TCP11L1: variants seen among roughly 807,000 people sequenced by gnomAD.
TCP11L1 encodes the protein T-complex protein 11-like protein 1.
In TCP11L1, 28 loss-of-function variants were observed where a neutral mutation model predicts 48.9. The observed-to-expected ratio is 0.57, with a 90% CI of 0.42 to 0.78. The LOEUF (loss-of-function observed/expected upper bound fraction) is 0.78. Among genes scored for constraint, TCP11L1 ranks in the 30% least tolerant of loss-of-function variants. The pLI, the probability that TCP11L1 is intolerant of heterozygous loss-of-function variation, is 0.00. For synonymous variants in TCP11L1, 204 were observed against 231.9 expected (o/e 0.88, Z 1.09); for missense variants, 505 against 613.4 (o/e 0.82, Z 1.87).
chr11:33,043,687 T>C (rs1037191151), intron 1 of TCP11L1, 63 bp from the exon 2 acceptor site: 19 of 1,405,038 alleles, frequency 1.4e-5, no homozygotes, highest in East Asian at 2.3e-5. Flanking sequence ...CTGAGTCACA[T>C]TGCTAGTTGG....
In TCP11L1 at chr11:33,065,816, TC is replaced by T. The variant is rs777871930; in HGVS notation, c.973-13del. On this transcript the variant is annotated splice_polypyrimidine_tract_variant and intron_variant, in intron 7 of 9. Coordinates refer to ENST00000334274, the MANE Select transcript of TCP11L1 (RefSeq NM_018393.4). Reference sequence around the variant, plus strand: ...GACCTGCAGCTCAGCGATGGCCTCTTCTATTCATTACAGACAGTTTTAATGG... The same window carrying T: ...GACCTGCAGCTCAGCGATGGCCTCTTTATTCATTACAGACAGTTTTAATGG... 1.9e-6 allele frequency: 3 copies of T among 1,610,334 alleles called. No homozygotes were observed. Among genetic ancestry groups the T allele is most frequent in the Non-Finnish European group, 2.5e-6 (3 of 1,177,542 alleles).
rs371785287 is a variant in TCP11L1, at chr11:33,064,122, T to C, written c.973-1708T>C. The stretch of plus-strand genomic sequence containing the variant: ...CCAGCCTCCTCACTTGGCAGTCTTA[T>C]GAATAAACCCTCTCGTAAAAAAAAT... On this transcript the variant is annotated intron_variant, in intron 7 of 9. Coordinates refer to ENST00000334274, the MANE Select transcript of TCP11L1 (RefSeq NM_018393.4). Among the ~76,000 whole-genome samples, 24 of 152,156 alleles carry C rather than the reference T, an allele frequency of 1.6e-4. No homozygotes were observed. The East Asian group carries it at 4.4e-3, about 28-fold the overall frequency.
chr11:33,058,998 G>A lies in TCP11L1; in HGVS notation c.678G>A (p.Met226Ile). 1 of 1,614,120 alleles carries A rather than the reference G, an allele frequency of 6.2e-7. No homozygotes were observed. The highest frequency in any genetic ancestry group is 1.6e-4 in the Middle Eastern group (1 of 6,062). Residue 226 changes from methionine to isoleucine, a missense_variant, in exon 6 of 10, where the codon ATG becomes ATA. Met to Ile is a conservative substitution (Grantham distance 10, BLOSUM62 1). Coordinates refer to ENST00000334274, the MANE Select transcript of TCP11L1 (RefSeq NM_018393.4). Reference protein sequence around the residue: ...FSVLDLMKVDMANFAISSIRP... With the variant: ...FSVLDLMKVDIANFAISSIRP... ...TGTTGGACCTAATGAAAGTGGACAT[G>A]GCCAACTTTGCTATCAGTAGCATCA...
At chr11:33,049,838 A>G (rs1854106058) in intron 2 of TCP11L1, among the ~76,000 whole-genome samples, 1 of 152,130 alleles carries the variant, frequency 6.6e-6, no homozygotes, top group Non-Finnish European at 1.5e-5. Context: ...CTCTTTTACT[A>G]ATCCTCCTCA....
In TCP11L1 at chr11:33,057,148, AGC is replaced by A; in HGVS notation, c.332_333del (p.Ala111ValfsTer11). 6.2e-7 allele frequency: 1 copy of A among 1,614,060 alleles called. No homozygotes were observed. Among genetic ancestry groups the A allele is most frequent in the Non-Finnish European group, 8.5e-7 (1 of 1,180,008 alleles). Reference protein sequence around the residue: ...KKRVKEIVHKAFWDCLSVQLS... With the variant: ...KKRVKEIVHKXFWDCLSVQLS... ...AGAGAGTAAAGGAGATTGTACATAAAGCGTTTTGGGATTGCTTGAGTGTGCAG... is the reference window on the plus strand; with the variant it reads ...AGAGAGTAAAGGAGATTGTACATAAAGTTTTGGGATTGCTTGAGTGTGCAG... On this transcript the variant is annotated frameshift_variant, in exon 4 of 10. Coordinates refer to ENST00000334274, the MANE Select transcript of TCP11L1 (RefSeq NM_018393.4). LOFTEE classifies it high-confidence loss of function.
At chr11:33,068,026 C>T (rs918286391) in intron 8 of TCP11L1, among the ~76,000 whole-genome samples, 4 of 152,024 alleles carry the variant, frequency 2.6e-5, no homozygotes, top group African/African-American at 7.2e-5. Flanking sequence ...AAGTGATTCT[C>T]CTACCACAGT....
At chr11:33,055,195 T>A (rs1188230800) in intron 3 of TCP11L1, among the ~76,000 whole-genome samples, 1 of 152,222 alleles carries the variant, frequency 6.6e-6, no homozygotes, top group Non-Finnish European at 1.5e-5. Flanking sequence ...TTAAGAAAGA[T>A]CCAAGTTTCT....
intron 8 of TCP11L1, among the ~76,000 whole-genome samples, chr11:33,066,575 G>A (rs376536913): frequency 1.3e-5 from 2 of 152,034 alleles, no homozygotes; most frequent in African/African-American, 2.4e-5. Flanking sequence ...CTGTTAGCAT[G>A]CTCCTCCCGG....
intron 2 of TCP11L1, among the ~76,000 whole-genome samples, chr11:33,050,111 C>G (rs61887059): frequency 0.028 from 4,267 of 152,306 alleles, 84 homozygotes; most frequent in Non-Finnish European, 0.042. Context: ...ATCCATTAAA[C>G]CTTGAGTCAA....
Position 33,059,004 on chromosome 11 carries a change from C to CT in TCP11L1, c.687dup (p.Ala230CysfsTer4). The CT allele has an allele frequency of 1.9e-6, 3 of 1,614,170 alleles. No individual in the cohort carries two copies. Among genetic ancestry groups the CT allele is most frequent in the Non-Finnish European group, 2.5e-6 (3 of 1,180,024 alleles). On this transcript the variant is annotated frameshift_variant, in exon 6 of 10. Transcript: ENST00000334274. LOFTEE classifies it high-confidence loss of function. The stretch of plus-strand genomic sequence containing the variant: ...ACCTAATGAAAGTGGACATGGCCAA[C>CT]TTTGCTATCAGTAGCATCAGGCCTC...
At chr11:33,041,727 A>G (rs1201694205) in intron 1 of TCP11L1, among the ~76,000 whole-genome samples, 1 of 151,994 alleles carries the variant, frequency 6.6e-6, no homozygotes, top group African/African-American at 2.4e-5. Flanking sequence ...CTGCACTTCA[A>G]TCTGGGGAAC....
intron 1 of TCP11L1, chr11:33,040,695 C>G (rs934063691): frequency 6.6e-6 from 1 of 152,196 alleles, no homozygotes. Context: ...TCCATCATCT[C>G]TAGCCACTTC....
At chr11:33,052,469 C>CT (rs67627914) in intron 2 of TCP11L1, among the ~76,000 whole-genome samples, 51 of 148,134 alleles carry the variant, frequency 3.4e-4, no homozygotes, top group African/African-American at 8.7e-4. Flanking sequence ...GATTTGGTTC[C>CT]TTTTTTTTTT....
At position 33,052,578 on chromosome 11, in the gene TCP11L1, C is replaced by A. The variant is rs543230145; in HGVS notation, c.164-2015C>A. Among the ~76,000 whole-genome samples, 4 of 152,064 alleles carry A rather than the reference C, an allele frequency of 2.6e-5. No homozygotes were observed. In the East Asian group the frequency reaches 7.7e-4, roughly 29 times the overall value. ...TGGGCAAACCAGTGACATTACTTAT[C>A]TAATTTTAAGGCCAGATCTTATCAC... On this transcript the variant is annotated intron_variant, in intron 2 of 9. Transcript: ENST00000334274.
At chr11:33,049,725 G>A (rs1023244854) in intron 2 of TCP11L1, among the ~76,000 whole-genome samples, 1 of 152,168 alleles carries the variant, frequency 6.6e-6, no homozygotes, top group African/African-American at 2.4e-5. Context: ...TCCTATCTTA[G>A]TAAATAGAAC....
Position 33,065,923 on chromosome 11 carries a change from A to G in TCP11L1, c.1066A>G (p.Met356Val), listed in dbSNP as rs766028997. 7 of 1,614,114 alleles carry G rather than the reference A, an allele frequency of 4.3e-6. No individual in the cohort carries two copies. The East Asian group carries it at 1.1e-4, about 26-fold the overall frequency. The change falls in exon 8 of 10, where the codon ATG becomes GTG. Residue 356 changes from methionine to valine, a missense_variant. Physicochemically the swap from Met to Val is conservative, Grantham distance 21. This residue lies in a region of TCP11L1 where 335 missense variants were observed against 413.3 expected (regional missense o/e 0.81). Coordinates refer to ENST00000334274, the MANE Select transcript of TCP11L1 (RefSeq NM_018393.4). ...GGCTGTGTTGCTGGTCACCTTCAGCATGGCAGCGCCAGGAATTTCCAGCCA... is the reference window on the plus strand; with the variant it reads ...GGCTGTGTTGCTGGTCACCTTCAGCGTGGCAGCGCCAGGAATTTCCAGCCA... ...LGAVLLVTFS[M>V]AAPGISSQAD...
chr11:33,047,939 AGT>A (rs1439657139), intron 2 of TCP11L1, among the ~76,000 whole-genome samples: 2 of 152,130 alleles, frequency 1.3e-5, no homozygotes, highest in East Asian at 1.9e-4. Context: ...ATCTTTTCAG[AGT>A]GTATAGGCAT....
chr11:33,067,223 G>C (rs1854645014), intron 8 of TCP11L1, among the ~76,000 whole-genome samples: 1 of 152,156 alleles, frequency 6.6e-6, no homozygotes, highest in Admixed American at 6.5e-5. Flanking sequence ...TCCTACCATG[G>C]AGTCATGTTG....
chr11:33,059,295 C>T (rs1854406355), intron 6 of TCP11L1, among the ~76,000 whole-genome samples, 200 bp downstream of exon 6: 1 of 152,104 alleles, frequency 6.6e-6, no homozygotes, highest in Non-Finnish European at 1.5e-5. Context: ...AATTCACAAG[C>T]AAAAGGAATG....
Sources: allele counts gnomAD v4.1 joint callset (sites outside exome capture counted in the v4.1 genomes callset), GRCh38; gene constraint gnomAD v4.1.1; regional missense constraint gnomAD v4.1.1; transcripts MANE v1.5; gene names NCBI Gene and HGNC (gene_info 2026-07-23, HGNC 2026-07-21).